ARPP21: variants seen among roughly 807,000 people sequenced by gnomAD.
ARPP21 encodes cAMP-regulated phosphoprotein 21.
In ARPP21, 69 loss-of-function variants were observed where a neutral mutation model predicts 113.2. The observed-to-expected ratio is 0.61, with a 90% CI of 0.50 to 0.74. ARPP21 has a LOEUF of 0.74. Among genes scored for constraint, ARPP21 ranks in the 30% least tolerant of loss-of-function variants. The pLI, the probability that ARPP21 is intolerant of heterozygous loss-of-function variation, is 0.00. For synonymous variants in ARPP21, 368 were observed against 375.5 expected (o/e 0.98, Z 0.23); for missense variants, 1,070 against 1,037.4 (o/e 1.03, Z -0.43).
At chr3:35,671,232 C>T (rs1050981986) in intron 1 of ARPP21, among the ~76,000 whole-genome samples, 4 of 152,100 alleles carry the variant, frequency 2.6e-5, no homozygotes, top group African/African-American at 9.7e-5. Context: ...CACCCATTCT[C>T]AGGTAGTTTT....
At position 35,687,890 on chromosome 3, in the gene ARPP21, G is replaced by T. The variant is rs1244611127; in HGVS notation, c.406+7G>T. 8 of 1,576,372 alleles carry T rather than the reference G, an allele frequency of 5.1e-6. No homozygotes were observed. The highest frequency in any genetic ancestry group is 6.0e-6 in the Non-Finnish European group (7 of 1,167,588). On this transcript the variant is annotated splice_region_variant and intron_variant, in intron 6 of 20. Transcript: ENST00000684406. ...ATCAGAATGTTATCAAAAGGTGAAT[G>T]TGAAAATATTTCCTTAACTTACTCA...
At chr3:35,733,267 A>G (rs1407616491) in intron 15 of ARPP21, among the ~76,000 whole-genome samples, 2 of 151,880 alleles carry the variant, frequency 1.3e-5, no homozygotes, top group African/African-American at 2.4e-5. Flanking sequence ...CAATAATTAC[A>G]TTATTATTGA....
intron 15 of ARPP21, among the ~76,000 whole-genome samples, chr3:35,736,238 T>G (rs1180967131): frequency 6.6e-6 from 1 of 152,190 alleles, no homozygotes; most frequent in Non-Finnish European, 1.5e-5. Flanking sequence ...ACATGTAAGG[T>G]GCCTGTTACT....
chr3:35,639,494 C>A (rs1697467031), upstream of ARPP21: 1 of 151,058 alleles, frequency 6.6e-6, no homozygotes, highest in Non-Finnish European at 1.5e-5. The surrounding 1 kb of genome is among the most constrained non-coding windows in gnomAD (Gnocchi z 5.0). Flanking sequence ...CAGTGCCAGC[C>A]GCGTGGGAGG....
intron 11 of ARPP21, among the ~76,000 whole-genome samples, chr3:35,710,282 A>G (rs1486008316): frequency 6.6e-6 from 1 of 152,138 alleles, no homozygotes; most frequent in East Asian, 1.9e-4. Flanking sequence ...TGTGTAGGCT[A>G]CTTAGAATTT....
intron 19 of ARPP21, among the ~76,000 whole-genome samples, chr3:35,750,774 C>T (rs1170151558): frequency 6.6e-6 from 1 of 152,082 alleles, no homozygotes; most frequent in Admixed American, 6.6e-5. Context: ...GTTTTTCAGA[C>T]CATGCTATCT....
At chr3:35,696,576 C>A (rs950416746) in intron 9 of ARPP21, among the ~76,000 whole-genome samples, 1 of 151,422 alleles carries the variant, frequency 6.6e-6, no homozygotes. Flanking sequence ...TTGTAGGTTG[C>A]CAGAAATATG....
At chr3:35,665,071 A>G (rs1349737159) in intron 1 of ARPP21, among the ~76,000 whole-genome samples, 2 of 152,338 alleles carry the variant, frequency 1.3e-5, no homozygotes, top group Middle Eastern at 3.4e-3. Flanking sequence ...CAGATCTTAA[A>G]GGAATGATTT....
At chr3:35,648,206 A>G (rs1370695433) in intron 1 of ARPP21, among the ~76,000 whole-genome samples, 1 of 152,184 alleles carries the variant, frequency 6.6e-6, no homozygotes, top group African/African-American at 2.4e-5. Context: ...TAACAAGGCC[A>G]TAATCTTCTG....
rs989177743 is a variant in ARPP21, at chr3:35,679,838, G to C, written c.-161G>C. On this transcript the variant is annotated 5_prime_UTR_variant, in exon 2 of 21. Transcript: ENST00000684406. ...GGAATCGCATGGAGATGGGCATTCC[G>C]AACTGTTAATGGGGACATGGGACTC... 1.3e-5 allele frequency: 2 copies of C among 152,246 alleles called. No individual in the cohort carries two copies. Among genetic ancestry groups the C allele is most frequent in the Non-Finnish European group, 2.9e-5 (2 of 67,900 alleles). The allele number at this position is 152,246 out of a possible 1,614,324, so 9.4% of individuals were successfully genotyped here.
chr3:35,697,326 G>C (rs538866923), intron 9 of ARPP21, among the ~76,000 whole-genome samples: 5 of 151,708 alleles, frequency 3.3e-5, no homozygotes, highest in Admixed American at 1.3e-4. Context: ...GACAGGCATT[G>C]GTTTGAGGCT....
chr3:35,657,934 C>A (rs2149093907), intron 1 of ARPP21, among the ~76,000 whole-genome samples: 1 of 152,238 alleles, frequency 6.6e-6, no homozygotes, highest in Non-Finnish European at 1.5e-5. Context: ...ATTTGATTCT[C>A]AGTTTTAAGA....
At chr3:35,703,187 C>T (rs17033700) in intron 9 of ARPP21, among the ~76,000 whole-genome samples, 21,166 of 151,674 alleles carry the variant, frequency 0.14, 1,540 homozygotes, top group South Asian at 0.23. Context: ...TCTTAAGAAC[C>T]TGACTGTAAG....
intron 1 of ARPP21, among the ~76,000 whole-genome samples, chr3:35,674,591 T>C (rs962569052): frequency 2.0e-5 from 3 of 151,900 alleles, no homozygotes; most frequent in African/African-American, 7.2e-5. Flanking sequence ...TGATTTTCTA[T>C]GTGGCTTTTG....
intron 15 of ARPP21, among the ~76,000 whole-genome samples, chr3:35,733,390 C>T (rs1173499802): frequency 6.6e-6 from 1 of 152,142 alleles, no homozygotes; most frequent in African/African-American, 2.4e-5. Context: ...TTTCTCTGCG[C>T]CTGCTCTGCA....
At chr3:35,647,503 A>G (rs1700682981) in intron 1 of ARPP21, among the ~76,000 whole-genome samples, 1 of 152,214 alleles carries the variant, frequency 6.6e-6, no homozygotes, top group Non-Finnish European at 1.5e-5. Context: ...CAATGAAGGA[A>G]GGCTTTACCA....
At chr3:35,753,645 GA>G (rs1559857599) in intron 19 of ARPP21, among the ~76,000 whole-genome samples, 1 of 151,978 alleles carries the variant, frequency 6.6e-6, no homozygotes, top group Non-Finnish European at 1.5e-5. Context: ...ATGTATATTT[GA>G]AAAGAGACCA....
intron 19 of ARPP21, among the ~76,000 whole-genome samples, chr3:35,764,954 T>C (rs1426822708): frequency 6.6e-6 from 1 of 152,144 alleles, no homozygotes; most frequent in Non-Finnish European, 1.5e-5. Flanking sequence ...TTTAATGTTC[T>C]ATATTCCATT....
chr3:35,759,309 G>A (rs537462486), intron 19 of ARPP21, among the ~76,000 whole-genome samples: 2 of 152,102 alleles, frequency 1.3e-5, no homozygotes, highest in South Asian at 2.1e-4. Context: ...ATCATTTGGG[G>A]TCCAAAGCAC....
Sources: gnomAD v4.1 joint callset for allele counts (sites outside exome capture counted in the v4.1 genomes callset) on GRCh38, gnomAD v4.1.1 for gene constraint, Gnocchi (gnomAD v3.1) non-coding constraint, MANE v1.5 for transcripts, NCBI Gene and HGNC (gene_info 2026-07-23, HGNC 2026-07-21) for gene names.